The following RGS9 variants were observed in gnomAD, a reference collection of about 807,000 sequenced individuals.
The protein encoded by RGS9 is regulator of G protein signaling 9, also known as regulator of G-protein signalling 9.
A neutral mutation model predicts 102.0 loss-of-function variants in RGS9; 78 were observed. The observed-to-expected ratio is 0.76, with a 90% confidence interval of 0.64 to 0.92. RGS9 has a LOEUF of 0.92. Among genes scored for constraint, RGS9 ranks in the 40% least tolerant of loss-of-function variants. RGS9 has a pLI of 0.00. For missense variants in RGS9, 833 were observed against 866.1 expected, an observed-to-expected ratio of 0.96 and a Z score of 0.48; for synonymous variants, 353 against 318.6, an observed-to-expected ratio of 1.11 and a Z score of -1.15.
chr17:65,201,846 G>T (rs1598611657), intron 13 of RGS9, 147 bp from the exon 14 acceptor site: 1 of 660,298 alleles, frequency 1.5e-6, no homozygotes, highest in Non-Finnish European at 2.8e-6. Context: ...ATCACAATGT[G>T]CAATAGCTTG....
intron 12 of RGS9, among the ~76,000 whole-genome samples, chr17:65,195,302 C>T (rs1001489699): frequency 1.3e-5 from 2 of 152,084 alleles, no homozygotes; most frequent in Admixed American, 1.3e-4. Flanking sequence ...GTATTGAAGA[C>T]AGGTAGAGAT....
intron 10 of RGS9, among the ~76,000 whole-genome samples, chr17:65,189,949 A>G (rs1273569408): frequency 6.6e-6 from 1 of 150,458 alleles, no homozygotes; most frequent in East Asian, 2.0e-4. Context: ...TTTTCTGCTG[A>G]TGCTTTTTCC....
At chr17:65,201,347 C>T (rs1912834649) in intron 13 of RGS9, among the ~76,000 whole-genome samples, 1 of 152,200 alleles carries the variant, frequency 6.6e-6, no homozygotes, top group Non-Finnish European at 1.5e-5. Flanking sequence ...GCCAGACCTT[C>T]CCTGAGGGTC....
At chr17:65,162,465 TA>T (rs1291186595) in intron 6 of RGS9, among the ~76,000 whole-genome samples, 1 of 152,142 alleles carries the variant, frequency 6.6e-6, no homozygotes, top group African/African-American at 2.4e-5. Flanking sequence ...TTTATTTATT[TA>T]TTTTTTATTT....
At chr17:65,205,389 G>C (rs940484063) in intron 15 of RGS9, among the ~76,000 whole-genome samples, 13 of 152,054 alleles carry the variant, frequency 8.5e-5, no homozygotes, top group Non-Finnish European at 1.3e-4. Context: ...TATAGGTTAT[G>C]GATATTGGTT....
intron 7 of RGS9, among the ~76,000 whole-genome samples, chr17:65,163,869 G>A (rs536752020): frequency 2.1e-4 from 32 of 152,328 alleles, no homozygotes; most frequent in African/African-American, 6.5e-4. Flanking sequence ...AACTAGAGAT[G>A]TTAGCAAGAG....
intron 15 of RGS9, among the ~76,000 whole-genome samples, chr17:65,207,657 C>T (rs767976871): frequency 6.6e-6 from 1 of 152,168 alleles, no homozygotes; most frequent in Non-Finnish European, 1.5e-5. Flanking sequence ...ACTGTTCAGG[C>T]TCAGGGTGAA....
At chr17:65,202,622 A>G in intron 14 of RGS9, among the ~76,000 whole-genome samples, 1 of 152,116 alleles carries the variant, frequency 6.6e-6, no homozygotes, top group African/African-American at 2.4e-5. Context: ...CTCATTCCTG[A>G]CATCACGGCT....
chr17:65,225,115 C>G lies in RGS9; in HGVS notation c.1521C>G (p.Phe507Leu), dbSNP rs538728807. Residue 507 changes from phenylalanine (F) to leucine (L), a missense_variant, in exon 18 of 19, where the codon TTC (phenylalanine) becomes TTG (leucine). Phe to Leu is a conservative substitution (Grantham distance 22, BLOSUM62 0). Around this residue, in one of 3 missense-constraint regions of RGS9, gnomAD observed 320 missense variants for 276.8 expected, o/e 1.16. Coordinates refer to ENST00000262406, the MANE Select transcript of RGS9 (RefSeq NM_003835.4). ...CCTGCCGCTCCCCCAGGAAGCCTTT[C>G]GCCTCACCCAGCCGCTTCATCCGGC... ...SSSCRSPRKP[F>L]ASPSRFIRRP... 658 of 1,613,902 alleles carry G rather than the reference C, an allele frequency of 4.1e-4. 10 individuals carry two copies. The South Asian group carries it at 6.7e-3, about 16-fold the overall frequency.
chr17:65,173,501 C>G lies in RGS9; in HGVS notation c.583-4231C>G, dbSNP rs73347616. On this transcript the variant is annotated intron_variant, in intron 8 of 18. Transcript: ENST00000262406. The surrounding 1 kb of genome is among the most constrained non-coding windows in gnomAD (Gnocchi z 4.8). ...TCCTTTCCTGACCTGAATGATGATG[C>G]ATTGAGCAAATTGCCTCTTTGGCTT... 2.5e-3 allele frequency among the ~76,000 whole-genome samples: 379 copies of G among 152,296 alleles called. 3 individuals are homozygous for G. The highest frequency in any genetic ancestry group is 8.8e-3 in the African/African-American group (364 of 41,562).
At chr17:65,142,995 G>T (rs1418618646) in intron 1 of RGS9, among the ~76,000 whole-genome samples, 1 of 151,870 alleles carries the variant, frequency 6.6e-6, no homozygotes, top group East Asian at 1.9e-4. Context: ...GGGCTCAAGG[G>T]ATCCTCTCAC....
chr17:65,226,646 T>C (rs531782351), intron 18 of RGS9, among the ~76,000 whole-genome samples: 1 of 151,156 alleles, frequency 6.6e-6, no homozygotes, highest in African/African-American at 2.4e-5. Flanking sequence ...GGAGTTTTGC[T>C]CTGTAGTCCA....
intron 8 of RGS9, among the ~76,000 whole-genome samples, chr17:65,176,362 T>C (rs909235716): frequency 6.6e-6 from 1 of 152,200 alleles, no homozygotes; most frequent in Non-Finnish European, 1.5e-5. Context: ...TCACACCCTA[T>C]CTTGTTAAAT....
chr17:65,188,020 C>G (rs1347242669), intron 9 of RGS9, among the ~76,000 whole-genome samples: 2 of 152,068 alleles, frequency 1.3e-5, no homozygotes, highest in Non-Finnish European at 1.5e-5. Flanking sequence ...ACAACAACAA[C>G]AGCAACAAAA....
chr17:65,179,903 C>T (rs1911799272), intron 9 of RGS9: 1 of 152,162 alleles, frequency 6.6e-6, no homozygotes, highest in Non-Finnish European at 1.5e-5. Flanking sequence ...GGGTGTACGA[C>T]AGAGGGTGCC....
At chr17:65,184,794 TTCTTTCTTTC>T (rs1912041998) in intron 9 of RGS9, among the ~76,000 whole-genome samples, 1 of 142,340 alleles carries the variant, frequency 7.0e-6, no homozygotes. Context: ...CTCTTTCTCT[TTCTTTCTTTC>T]TCTTTCTTTC....
chr17:65,202,967 G>A (rs186761112), intron 14 of RGS9, among the ~76,000 whole-genome samples: 320 of 152,318 alleles, frequency 2.1e-3, no homozygotes, highest in African/African-American at 7.1e-3. Flanking sequence ...ATGCTTAGCC[G>A]TGTTGCCCAA....
chr17:65,202,879 G>A (rs73347670), intron 14 of RGS9, among the ~76,000 whole-genome samples: 2,726 of 152,234 alleles, frequency 0.018, 78 homozygotes, highest in African/African-American at 0.062. Context: ...CCATCTCTGT[G>A]GGTCCTTTCA....
rs1911482750 is a variant in RGS9 at position 65,173,099 on chromosome 17, T to G, written c.583-4633T>G. ...CACCTCGCCTGGCTAATTTTTTGTA[T>G]CTTTAGTAGAGATGGGTTTTCACTG... is the stretch of plus-strand genomic sequence containing the variant. On this transcript the variant is annotated intron_variant, in intron 8 of 18. Transcript: ENST00000262406. This position sits in a 1 kb window ranked among gnomAD's most constrained non-coding sequence, Gnocchi z 4.8. Among the ~76,000 whole-genome samples, 2 of 151,914 alleles carry G rather than the reference T, an allele frequency of 1.3e-5. No individual in the cohort carries two copies. Among genetic ancestry groups the G allele is most frequent in the African/African-American group, 4.8e-5 (2 of 41,330 alleles).
Sources: allele counts gnomAD v4.1 joint callset (sites outside exome capture counted in the v4.1 genomes callset), GRCh38; gene constraint gnomAD v4.1.1; regional missense constraint gnomAD v4.1.1; non-coding constraint Gnocchi (gnomAD v3.1); transcripts MANE v1.5; gene names NCBI Gene and HGNC (gene_info 2026-07-23, HGNC 2026-07-21).